Variants in ZNF385D observed in about 807,000 individuals in gnomAD.
The protein encoded by ZNF385D is zinc finger protein 659.
A neutral mutation model predicts 35.8 loss-of-function variants in ZNF385D; 15 were observed. The ratio of observed to expected loss-of-function variants is 0.42; its 90% CI spans 0.28 to 0.64. ZNF385D has a LOEUF of 0.64. ZNF385D is among the 30% of genes least tolerant of loss of function. ZNF385D has a pLI of 0.23. For synonymous variants in ZNF385D, 212 were observed against 186.8 expected (o/e 1.13, Z -1.10); for missense variants, 474 against 494.6 (o/e 0.96, Z 0.39).
chr3:21,837,508 G>T (rs992526230), intron 3 of ZNF385D, among the ~76,000 whole-genome samples: 2 of 152,010 alleles, frequency 1.3e-5, no homozygotes, highest in African/African-American at 4.8e-5. Flanking sequence ...CAGGTGCATG[G>T]CTTTGGAATT....
chr3:21,810,314 T>TA (rs1221381862), intron 3 of ZNF385D, among the ~76,000 whole-genome samples: 1 of 131,140 alleles, frequency 7.6e-6, no homozygotes, highest in Non-Finnish European at 1.6e-5. Context: ...CCATTCACGA[T>TA]AAAAAGAAAG....
intron 3 of ZNF385D, among the ~76,000 whole-genome samples, chr3:21,980,176 A>G (rs1056273916): frequency 2.6e-5 from 4 of 152,160 alleles, no homozygotes; most frequent in Non-Finnish European, 5.9e-5. Context: ...GCCAACAACC[A>G]ACAGTAACTT....
intron 3 of ZNF385D, among the ~76,000 whole-genome samples, chr3:22,100,748 G>T (rs1319998384): frequency 6.6e-6 from 1 of 151,614 alleles, no homozygotes; most frequent in Non-Finnish European, 1.5e-5. Flanking sequence ...ACGAGTTAGT[G>T]GGTGTAGCGC....
chr3:21,872,385 T>C (rs561506723), intron 3 of ZNF385D, among the ~76,000 whole-genome samples: 22 of 152,316 alleles, frequency 1.4e-4, no homozygotes, highest in Middle Eastern at 3.4e-3. Context: ...CCTAGCACTA[T>C]GCATAACTGG....
chr3:22,275,424 C>A (rs1234829846), intron 2 of ZNF385D, among the ~76,000 whole-genome samples: 3 of 152,052 alleles, frequency 2.0e-5, no homozygotes, highest in Non-Finnish European at 4.4e-5. Context: ...AAAGTAATTA[C>A]AAAGTACAAT....
chr3:21,564,630 G>T lies in ZNF385D; in HGVS notation c.220C>A (p.His74Asn), dbSNP rs1405602254. ...INHTFGVPLP[H>N]RRKQIISCNI... is the part of the protein sequence containing the mutation. The stretch of plus-strand genomic sequence containing the variant: ...CATGATATGATTTGCTTTCTTCGGT[G>T]GGGAAGAGGAACCCCGAATGTATGG... The change falls in exon 3 of 8, where the codon CAC becomes AAC. Residue 74 changes from histidine (H) to asparagine (N), a missense_variant. Physicochemically the swap from His to Asn is moderately conservative, Grantham distance 68. Coordinates refer to ENST00000281523, the MANE Select transcript of ZNF385D (RefSeq NM_024697.3). The T allele has an allele frequency of 8.9e-6, 14 of 1,578,014 alleles. No individual in the cohort carries two copies. In the South Asian group the frequency reaches 1.4e-4, roughly 16 times the overall value.
chr3:21,530,288 C>T lies in ZNF385D; in HGVS notation c.277-19265G>A, dbSNP rs539988668. Among the ~76,000 whole-genome samples the T allele has an allele frequency of 9.4e-4, 143 of 152,278 alleles. 1 individual carries two copies. The highest frequency in any genetic ancestry group is 1.6e-3 in the Non-Finnish European group (111 of 68,010). On this transcript the variant is annotated intron_variant, in intron 3 of 7. Transcript: ENST00000281523. Reference sequence around the variant, plus strand: ...TCCAGCCTCAGGTATTTCTTCACAGCAATGCAAAATGGAGTAACACAACAA... The same window carrying T: ...TCCAGCCTCAGGTATTTCTTCACAGTAATGCAAAATGGAGTAACACAACAA...
chr3:21,582,753 T>TTA (rs1559430094), intron 2 of ZNF385D, among the ~76,000 whole-genome samples: 12 of 150,610 alleles, frequency 8.0e-5, no homozygotes, highest in African/African-American at 2.9e-4. Context: ...TTTTTAACAC[T>TTA]TTTATTTATT....
chr3:21,577,028 A>G (rs1457582), intron 2 of ZNF385D, among the ~76,000 whole-genome samples: 105,882 of 152,042 alleles, frequency 0.7, 37,994 homozygotes, highest in African/African-American at 0.88. Flanking sequence ...ATGTCTTCTC[A>G]TTTAGCTATT....
chr3:21,720,519 A>T (rs2068497341), intron 1 of ZNF385D, among the ~76,000 whole-genome samples: 1 of 152,186 alleles, frequency 6.6e-6, no homozygotes, highest in Non-Finnish European at 1.5e-5. Context: ...GTGCCACTGC[A>T]CTGGAGCCTG....
chr3:21,439,428 A>G (rs149258103), intron 4 of ZNF385D, among the ~76,000 whole-genome samples: 1 of 151,916 alleles, frequency 6.6e-6, no homozygotes, highest in Non-Finnish European at 1.5e-5. Flanking sequence ...ATCAGGAGTG[A>G]TAACCGTAAA....
chr3:21,965,511 G>C (rs1274323023), intron 3 of ZNF385D, among the ~76,000 whole-genome samples: 2 of 148,468 alleles, frequency 1.3e-5, no homozygotes, highest in Non-Finnish European at 3.0e-5. Context: ...TAACTGGCTT[G>C]TACTCTTCAC....
intron 2 of ZNF385D, among the ~76,000 whole-genome samples, chr3:22,347,466 G>C (rs554631075): frequency 6.6e-6 from 1 of 152,178 alleles, no homozygotes; most frequent in African/African-American, 2.4e-5. Flanking sequence ...GAAAGTAAGT[G>C]GAAGCTGACT....
At chr3:21,638,877 A>G (rs1470786623) in intron 2 of ZNF385D, among the ~76,000 whole-genome samples, 1 of 152,144 alleles carries the variant, frequency 6.6e-6, no homozygotes, top group African/African-American at 2.4e-5. Context: ...TGAACCCTTT[A>G]TCTAGAGAAA....
intron 3 of ZNF385D, among the ~76,000 whole-genome samples, chr3:21,962,619 G>A (rs1702658344): frequency 6.6e-6 from 1 of 152,180 alleles, no homozygotes; most frequent in South Asian, 2.1e-4. Flanking sequence ...CAGCAGTTCA[G>A]CTCCCAGAAG....
chr3:22,108,901 A>G (rs139408905), intron 3 of ZNF385D, among the ~76,000 whole-genome samples: 1 of 152,250 alleles, frequency 6.6e-6, no homozygotes, highest in African/African-American at 2.4e-5. Flanking sequence ...AGTCCCTGCT[A>G]CTTGGAAGGC....
At chr3:22,001,890 G>T (rs1695866183) in intron 3 of ZNF385D, among the ~76,000 whole-genome samples, 1 of 151,720 alleles carries the variant, frequency 6.6e-6, no homozygotes, top group African/African-American at 2.4e-5. Context: ...AAAAATTATT[G>T]AAACAAATTA....
intron 2 of ZNF385D, among the ~76,000 whole-genome samples, chr3:21,611,388 G>A (rs2064673364): frequency 6.6e-6 from 1 of 152,086 alleles, no homozygotes; most frequent in South Asian, 2.1e-4. Context: ...TACTCCTTCT[G>A]GGGGAAAAGC....
In ZNF385D at chr3:22,297,218, C is replaced by A. The variant is rs531269348; in HGVS notation, c.106+75232G>T. ...CAAGCTCCCAGACTGTGACAATCAA[C>A]CCCTTTATTCGCAACCCCAGATCCC... is the stretch of plus-strand genomic sequence containing the variant. On this transcript the variant is annotated intron_variant, in intron 2 of 5. Coordinates refer to the ZNF385D transcript ENST00000494108. Among the ~76,000 whole-genome samples the A allele has an allele frequency of 1.5e-3, 228 of 152,052 alleles. 1 individual carries two copies. Among genetic ancestry groups the A allele is most frequent in the African/African-American group, 5.2e-3 (217 of 41,496 alleles).
Sources: allele counts gnomAD v4.1 joint callset (sites outside exome capture counted in the v4.1 genomes callset), GRCh38; gene constraint gnomAD v4.1.1; transcripts MANE v1.5; gene names NCBI Gene and HGNC (gene_info 2026-07-23, HGNC 2026-07-21).